The following ACOXL variants were observed in gnomAD, a reference collection of about 807,000 sequenced individuals.
ACOXL encodes the protein acyl-CoA oxidase like, also known as acyl-coenzyme A oxidase-like protein.
ACOXL carries 70 observed loss-of-function variants against 71.9 expected under a neutral mutation model. The ratio of observed to expected loss-of-function variants is 0.97; its 90% CI spans 0.80 to 1.19. The LOEUF is 1.19. Among genes scored for constraint, ACOXL ranks in the 50% most tolerant of loss-of-function variants. ACOXL has a pLI of 0.00. For synonymous variants in ACOXL, 253 were observed against 281.6 expected (o/e 0.90, Z 1.02); for missense variants, 703 against 736.3 (o/e 0.95, Z 0.52).
At chr2:110,912,356 A>G (rs2059680062) in intron 11 of ACOXL, among the ~76,000 whole-genome samples, 1 of 152,120 alleles carries the variant, frequency 6.6e-6, no homozygotes, top group South Asian at 2.1e-4. Flanking sequence ...CACATTTCTC[A>G]ATTCAGAAAC....
At chr2:110,964,437 G>A (rs536393025) in intron 12 of ACOXL, among the ~76,000 whole-genome samples, 2 of 152,210 alleles carry the variant, frequency 1.3e-5, no homozygotes, top group Non-Finnish European at 2.9e-5. Context: ...CTTATGATAC[G>A]GTAAGTAAAA....
Position 111,118,074 on chromosome 2 carries a change from T to C in ACOXL, c.*258T>C. 1 of 568,516 alleles carries C rather than the reference T, an allele frequency of 1.8e-6. No homozygotes were observed. Among genetic ancestry groups the C allele is most frequent in the East Asian group, 3.0e-5 (1 of 33,006 alleles). The allele number at this position is 568,516 out of a possible 1,614,324, so 35.2% of individuals were successfully genotyped here. On this transcript the variant is annotated 3_prime_UTR_variant, in exon 18 of 18. Coordinates refer to ENST00000439055, the MANE Select transcript of ACOXL (RefSeq NM_001142807.4). ...CCCAGCCTGGCCTGACTGCAACCTCTCCCAACTTCAGTGCCGGATCCCCTA... is the reference window on the plus strand; with the variant it reads ...CCCAGCCTGGCCTGACTGCAACCTCCCCCAACTTCAGTGCCGGATCCCCTA...
chr2:110,971,514 A>G (rs1344712441), intron 12 of ACOXL, among the ~76,000 whole-genome samples: 1 of 152,264 alleles, frequency 6.6e-6, no homozygotes, highest in Non-Finnish European at 1.5e-5. Flanking sequence ...AAAGGTATAA[A>G]ACAAAAACCT....
At chr2:110,953,769 A>G (rs573452524) in intron 12 of ACOXL, among the ~76,000 whole-genome samples, 2 of 152,344 alleles carry the variant, frequency 1.3e-5, no homozygotes, top group African/African-American at 4.8e-5. Flanking sequence ...GAAACTTACA[A>G]TCATGGCAGA....
chr2:110,863,408 G>A (rs563221059), intron 10 of ACOXL, among the ~76,000 whole-genome samples: 4 of 152,300 alleles, frequency 2.6e-5, no homozygotes, highest in East Asian at 3.9e-4. Flanking sequence ...AGACTGGAAC[G>A]AAATTTGCCA....
intron 11 of ACOXL, among the ~76,000 whole-genome samples, chr2:110,915,424 A>T (rs1156520225): frequency 0.037 from 4,125 of 112,292 alleles, 230 homozygotes; most frequent in African/African-American, 0.11. Flanking sequence ...ATATATATAT[A>T]TATATTTTTT....
chr2:110,838,942 T>G (rs551214327), intron 9 of ACOXL, among the ~76,000 whole-genome samples: 1 of 152,362 alleles, frequency 6.6e-6, no homozygotes, highest in East Asian at 1.9e-4. Context: ...GCCCTCCCTG[T>G]CCACTGGAGT....
intron 12 of ACOXL, among the ~76,000 whole-genome samples, chr2:110,943,025 G>GAAGAAGGAAGGA (rs1310087700): frequency 7.5e-6 from 1 of 133,008 alleles, no homozygotes; most frequent in Non-Finnish European, 1.6e-5. Context: ...AGAAAGGAAG[G>GAAGAAGGAAGGA]AAGAAGGAAG....
At chr2:111,043,991 G>A (rs775678885) in intron 15 of ACOXL, among the ~76,000 whole-genome samples, 12 of 152,144 alleles carry the variant, frequency 7.9e-5, no homozygotes, top group Non-Finnish European at 1.6e-4. Context: ...CCCCTCCTAT[G>A]TGGGGCCCAG....
chr2:110,861,125 C>A (rs943165405), intron 10 of ACOXL, among the ~76,000 whole-genome samples: 3 of 152,156 alleles, frequency 2.0e-5, no homozygotes, highest in African/African-American at 7.2e-5. Context: ...CAGAGTGAGA[C>A]CCTATCTCAA....
At chr2:110,931,337 C>A (rs2060472411) in intron 11 of ACOXL, among the ~76,000 whole-genome samples, 1 of 152,086 alleles carries the variant, frequency 6.6e-6, no homozygotes, top group African/African-American at 2.4e-5. Flanking sequence ...CTATTTCCAC[C>A]CCTGGGGAAT....
intron 17 of ACOXL, 107 bp from the exon 18 acceptor site, chr2:111,117,509 T>A: frequency 1.7e-6 from 2 of 1,197,010 alleles, no homozygotes; most frequent in Non-Finnish European, 2.4e-6. Flanking sequence ...GAAACTAGTT[T>A]CCGGGGCCGC....
Position 110,798,665 on chromosome 2 carries a change from C to T in ACOXL, c.401C>T (p.Ala134Val). The change falls in exon 6 of 18, where the codon GCC becomes GTC. Residue 134 changes from alanine to valine, a missense_variant. Ala to Val is a moderately conservative substitution (Grantham distance 64). Transcript: ENST00000439055. Reference protein sequence around the residue: ...ENAEKMYIGNAMYGNYAAVFA... With the variant: ...ENAEKMYIGNVMYGNYAAVFA... The stretch of plus-strand genomic sequence containing the variant: ...GCGGAGAAGATGTATATTGGAAATG[C>T]CATGTACGGGAATTATGCAGCTGTC... 1 of 1,614,088 alleles carries T rather than the reference C, an allele frequency of 6.2e-7. No individual in the cohort carries two copies.
chr2:111,054,770 G>C (rs2066453150), intron 16 of ACOXL, among the ~76,000 whole-genome samples: 1 of 152,160 alleles, frequency 6.6e-6, no homozygotes, highest in Admixed American at 6.5e-5. Flanking sequence ...ATCTCCAAGA[G>C]ATCGACATGA....
chr2:111,094,393 C>T (rs1461931790), intron 17 of ACOXL: 1 of 152,124 alleles, frequency 6.6e-6, no homozygotes, highest in Non-Finnish European at 1.5e-5. Context: ...ATACCATAGA[C>T]TGGGTAATTT....
chr2:110,922,212 T>C (rs564819545), intron 11 of ACOXL, among the ~76,000 whole-genome samples: 7 of 152,218 alleles, frequency 4.6e-5, no homozygotes, highest in Non-Finnish European at 1.0e-4. Flanking sequence ...TTTGAAAGTT[T>C]TTTTTGGTTG....
At chr2:110,912,963 C>T (rs541621188) in intron 11 of ACOXL, among the ~76,000 whole-genome samples, 4 of 152,236 alleles carry the variant, frequency 2.6e-5, no homozygotes, top group African/African-American at 9.6e-5. Flanking sequence ...CAAAGACTTT[C>T]CTCCAAAGAA....
At chr2:110,881,788 G>A (rs1213007763) in intron 10 of ACOXL, among the ~76,000 whole-genome samples, 1 of 151,926 alleles carries the variant, frequency 6.6e-6, no homozygotes, top group Non-Finnish European at 1.5e-5. Context: ...ATTATTTTGA[G>A]ATCCATTCAT....
chr2:110,812,516 C>A lies in ACOXL; in HGVS notation c.753+7121C>A, dbSNP rs184067780. Among the ~76,000 whole-genome samples the A allele has an allele frequency of 2.4e-3, 362 of 152,298 alleles. 2 individuals carry two copies. Among genetic ancestry groups the A allele is most frequent in the African/African-American group, 8.5e-3 (352 of 41,560 alleles). On this transcript the variant is annotated intron_variant, in intron 9 of 17. Coordinates refer to ENST00000439055, the MANE Select transcript of ACOXL (RefSeq NM_001142807.4). ...TGTCTGTTGTTTCCTTCTTTGTGTTCATAAGTTCTCATCCTTTAGCTCCCA... is the reference window on the plus strand; with the variant it reads ...TGTCTGTTGTTTCCTTCTTTGTGTTAATAAGTTCTCATCCTTTAGCTCCCA...
Sources: gnomAD v4.1 joint callset for allele counts (sites outside exome capture counted in the v4.1 genomes callset) on GRCh38, gnomAD v4.1.1 for gene constraint, MANE v1.5 for transcripts, NCBI Gene and HGNC (gene_info 2026-07-23, HGNC 2026-07-21) for gene names.